Variants in CSDE1 observed in about 807,000 individuals in gnomAD.
The protein encoded by CSDE1 is cold shock domain-containing protein E1.
In CSDE1, 17 loss-of-function variants were observed where a neutral mutation model predicts 89.3. The observed-to-expected ratio is 0.19, with a 90% CI of 0.13 to 0.29. CSDE1 has a LOEUF of 0.29. CSDE1 is among the 10% of genes least tolerant of loss of function. The pLI is 1.00. For synonymous variants in CSDE1, 322 were observed against 332.8 expected, an observed-to-expected ratio of 0.97 and a Z score of 0.35; for missense variants, 672 against 984.2, an observed-to-expected ratio of 0.68 and a Z score of 4.24.
At chr1:114,738,223 G>A (rs1570931204) in intron 3 of CSDE1, 151 bp from the exon 4 acceptor site, 1 of 627,296 alleles carries the variant, frequency 1.6e-6, no homozygotes, top group East Asian at 2.8e-5. Flanking sequence ...CATCACCTGG[G>A]AGCTTAAAAG....
intron 2 of CSDE1, among the ~76,000 whole-genome samples, chr1:114,747,366 G>A (rs541141486): frequency 1.2e-4 from 19 of 152,274 alleles, no homozygotes; most frequent in African/African-American, 4.3e-4. Flanking sequence ...CCACAGCCAT[G>A]TTTTACTGCC....
intron 16 of CSDE1, among the ~76,000 whole-genome samples, chr1:114,723,002 T>C (rs987499371): frequency 2.6e-5 from 4 of 152,180 alleles, no homozygotes; most frequent in African/African-American, 9.7e-5. Flanking sequence ...CCATCATCTT[T>C]TCTTTTTAAA....
In CSDE1 at chr1:114,718,516, T is replaced by C; in HGVS notation, c.2349+97A>G. 9 of 1,483,162 alleles carry C rather than the reference T, an allele frequency of 6.1e-6. No homozygotes were observed. In the South Asian group the frequency reaches 1.2e-4, roughly 20 times the overall value. The allele number at this position is 1,483,162 out of a possible 1,614,324, so 91.9% of individuals were successfully genotyped here. Reference sequence around the variant, plus strand: ...GTTATAAGCAATATGGAAGTCTCCCTGCTTCATTAAGTTTCCTGACCTATT... The same window carrying C: ...GTTATAAGCAATATGGAAGTCTCCCCGCTTCATTAAGTTTCCTGACCTATT... On this transcript the variant is annotated intron_variant, in intron 19 of 19. Coordinates refer to ENST00000358528, the MANE Select transcript of CSDE1 (RefSeq NM_001007553.3).
chr1:114,726,644 T>A (rs989177367), intron 13 of CSDE1, among the ~76,000 whole-genome samples: 3 of 152,226 alleles, frequency 2.0e-5, no homozygotes, highest in African/African-American at 7.2e-5. Context: ...ACCAAACATA[T>A]TAAGTATGAG....
At chr1:114,725,467 T>C (rs1259933159) in intron 14 of CSDE1, 134 bp from the exon 15 acceptor site, 3 of 697,394 alleles carry the variant, frequency 4.3e-6, no homozygotes, top group Admixed American at 2.3e-5. Flanking sequence ...GTAATTTCTA[T>C]GTATTGACTC....
chr1:114,736,831 G>A lies in CSDE1; in HGVS notation c.427C>T (p.Pro143Ser). The A allele has an allele frequency of 6.2e-7, 1 of 1,612,330 alleles. No homozygotes were observed. ...NGEVFYLTYT[P>S]EDVEGNVQLE... ...TGAACGTTCCCTTCGACATCTTCAG[G>A]GGTGTAAGTCAGATAAAACACTTCC... The change falls in exon 6 of 20, where the codon CCT becomes TCT. Residue 143 changes from proline (P) to serine (S), a missense_variant. Around this residue, in one of 8 missense-constraint regions of CSDE1, gnomAD observed 124 missense variants for 138.7 expected, o/e 0.89. Coordinates refer to ENST00000358528, the MANE Select transcript of CSDE1 (RefSeq NM_001007553.3).
intron 15 of CSDE1, 118 bp downstream of exon 15, chr1:114,725,103 A>G (rs1012945359): frequency 2.5e-6 from 2 of 788,484 alleles, no homozygotes; most frequent in South Asian, 3.0e-5. Context: ...CTGCTGTTCT[A>G]TGGAATCGCA....
At chr1:114,721,652 G>A (rs766123429) in intron 16 of CSDE1, among the ~76,000 whole-genome samples, 4 of 151,556 alleles carry the variant, frequency 2.6e-5, no homozygotes, top group Non-Finnish European at 5.9e-5. Context: ...GTGCAGTGGC[G>A]ATCAACGGCT....
At chr1:114,739,283 G>A (rs559546041) in intron 3 of CSDE1, among the ~76,000 whole-genome samples, 3 of 152,152 alleles carry the variant, frequency 2.0e-5, no homozygotes, top group East Asian at 1.9e-4. Context: ...TGCCCGCCTC[G>A]GCCTCCCAAA....
intron 18 of CSDE1, 132 bp downstream of exon 18, chr1:114,719,447 T>A: frequency 1.0e-6 from 1 of 965,456 alleles, no homozygotes; most frequent in South Asian, 2.1e-5. Context: ...TGTATTCAAC[T>A]AGAAGTAGGA....
At chr1:114,729,573 C>T (rs1337525177) in intron 12 of CSDE1, among the ~76,000 whole-genome samples, 1 of 151,670 alleles carries the variant, frequency 6.6e-6, no homozygotes, top group African/African-American at 2.4e-5. Flanking sequence ...CTAAAGAAAC[C>T]CTGAATTTTT....
intron 2 of CSDE1, among the ~76,000 whole-genome samples, chr1:114,745,391 A>G (rs1331767218): frequency 1.3e-5 from 2 of 152,238 alleles, no homozygotes; most frequent in Non-Finnish European, 2.9e-5. Flanking sequence ...ATTGGAAACA[A>G]TATGTGGAAA....
chr1:114,725,269 C>T lies in CSDE1; in HGVS notation c.1705G>A (p.Gly569Ser). 5 of 1,614,164 alleles carry T rather than the reference C, an allele frequency of 3.1e-6. No individual in the cohort carries two copies. Among genetic ancestry groups the T allele is most frequent in the Non-Finnish European group, 4.2e-6 (5 of 1,180,024 alleles). Residue 569 changes from glycine to serine, a missense_variant, in exon 15 of 20, where the codon GGC becomes AGC. By Grantham distance (56) the Gly-to-Ser change is moderately conservative (BLOSUM62 0). This residue lies in a region of CSDE1 where 206 missense variants were observed against 332.4 expected (regional missense o/e 0.62). Coordinates refer to ENST00000358528, the MANE Select transcript of CSDE1 (RefSeq NM_001007553.3). ...GDMVEYSLSK[G>S]KGNKVSAEKV... Reference sequence around the variant, plus strand: ...TCTGCACTGACTTTGTTGCCTTTGCCTTTGGACAAGCTATACTCGACCATG... The same window carrying T: ...TCTGCACTGACTTTGTTGCCTTTGCTTTTGGACAAGCTATACTCGACCATG...
intron 1 of CSDE1, among the ~76,000 whole-genome samples, chr1:114,754,070 T>C (rs1443243683): frequency 2.0e-5 from 3 of 152,166 alleles, no homozygotes; most frequent in Non-Finnish European, 4.4e-5. Flanking sequence ...ATCACTGCAA[T>C]CTCCACCTCC....
At chr1:114,725,956 C>T (rs1252552912) in intron 14 of CSDE1, among the ~76,000 whole-genome samples, 4 of 152,168 alleles carry the variant, frequency 2.6e-5, no homozygotes, top group Admixed American at 6.5e-5. Context: ...TCTTACACTA[C>T]ATTATACACC....
chr1:114,728,383 C>G (rs1382503268), intron 12 of CSDE1, among the ~76,000 whole-genome samples: 1 of 152,156 alleles, frequency 6.6e-6, no homozygotes, highest in Non-Finnish European at 1.5e-5. Context: ...TGACAATATA[C>G]TATACATCAA....
At chr1:114,726,082 T>C in intron 14 of CSDE1, 129 bp downstream of exon 14, 3 of 947,698 alleles carry the variant, frequency 3.2e-6, no homozygotes, top group Non-Finnish European at 4.6e-6. Flanking sequence ...GTTTATATCT[T>C]GCCATAATTC....
At chr1:114,718,775 CCA>C in intron 18 of CSDE1, 30 bp from the exon 19 acceptor site, 1 of 1,609,592 alleles carries the variant, frequency 6.2e-7, no homozygotes, top group Non-Finnish European at 8.5e-7. Flanking sequence ...TGAGAAGAAA[CCA>C]CACTTGGTGG....
chr1:114,718,093 G>A lies in CSDE1; in HGVS notation c.*76C>T. On this transcript the variant is annotated 3_prime_UTR_variant, in exon 20 of 20. Transcript: ENST00000358528. ...TCCAGATTTCGGGAGGGATGAAGAG[G>A]GAGATATTCAGAACCCTTCACCAGA... 1 of 1,462,990 alleles carries A rather than the reference G, an allele frequency of 6.8e-7. No individual in the cohort carries two copies. 90.6% of individuals were successfully genotyped at this position (1,462,990 alleles called of 1,614,324 possible). A position where few individuals can be genotyped will look rare whatever the true frequency, so the allele number is the denominator to read the frequency against.
Sources: gnomAD v4.1 joint callset for allele counts (sites outside exome capture counted in the v4.1 genomes callset) on GRCh38, gnomAD v4.1.1 for gene constraint, gnomAD v4.1.1 regional missense constraint, MANE v1.5 for transcripts, NCBI Gene and HGNC (gene_info 2026-07-23, HGNC 2026-07-21) for gene names.